DPYS: variants seen among roughly 807,000 people sequenced by gnomAD.
DPYS encodes the protein dihydropyrimidine amidohydrolase.
In DPYS, 39 loss-of-function variants were observed where a neutral mutation model predicts 50.3. The ratio of observed to expected loss-of-function variants is 0.78; its 90% CI spans 0.60 to 1.01. DPYS has a LOEUF of 1.01. Among genes scored for constraint, DPYS ranks in the 50% least tolerant of loss-of-function variants. The pLI, the probability that DPYS is intolerant of heterozygous loss-of-function variation, is 0.00. For missense variants in DPYS, 659 were observed against 680.9 expected (o/e 0.97, Z 0.36); for synonymous variants, 245 against 250.7 (o/e 0.98, Z 0.22).
chr8:104,458,791 A>G (rs1459951982), intron 1 of DPYS, among the ~76,000 whole-genome samples: 2 of 152,230 alleles, frequency 1.3e-5, no homozygotes, highest in African/African-American at 2.4e-5. Context: ...CCTTCTATGA[A>G]CATGTTAATA....
chr8:104,386,668 C>T (rs1432180100), intron 8 of DPYS, among the ~76,000 whole-genome samples: 1 of 150,528 alleles, frequency 6.6e-6, no homozygotes, highest in Non-Finnish European at 1.5e-5. Context: ...CACTCTGCTG[C>T]TCAGGCTAGA....
At chr8:104,430,802 C>T (rs1004553041) in intron 4 of DPYS, among the ~76,000 whole-genome samples, 1 of 152,122 alleles carries the variant, frequency 6.6e-6, no homozygotes, top group African/African-American at 2.4e-5. Context: ...AACCAAGTAT[C>T]AATAAAAGTT....
intron 8 of DPYS, among the ~76,000 whole-genome samples, chr8:104,391,366 C>T (rs570862824): frequency 6.6e-6 from 1 of 152,226 alleles, no homozygotes; most frequent in South Asian, 2.1e-4. Context: ...CAAACACTAC[C>T]ATCTACATGG....
intron 7 of DPYS, among the ~76,000 whole-genome samples, chr8:104,406,379 C>A (rs1811995444): frequency 6.6e-6 from 1 of 152,194 alleles, no homozygotes; most frequent in Non-Finnish European, 1.5e-5. Context: ...AGTGACGCAG[C>A]AGCCATTTTG....
intron 8 of DPYS, among the ~76,000 whole-genome samples, chr8:104,383,604 C>CTT (rs59669284): frequency 0.081 from 11,497 of 141,708 alleles, 942 homozygotes; most frequent in African/African-American, 0.2. Context: ...CCAGGCTGTA[C>CTT]TTTTTTTTTT....
intron 4 of DPYS, among the ~76,000 whole-genome samples, chr8:104,437,133 C>T (rs1019661120): frequency 2.0e-5 from 3 of 152,070 alleles, no homozygotes; most frequent in Admixed American, 6.5e-5. Flanking sequence ...GAAAAGAAAA[C>T]AGAGGACATG....
chr8:104,451,156 T>A (rs1431147544), intron 2 of DPYS, 90 bp downstream of exon 2: 1 of 1,547,458 alleles, frequency 6.5e-7, no homozygotes, highest in Non-Finnish European at 8.9e-7. Flanking sequence ...TCCTGTTGTC[T>A]AGGAAGCAAT....
intron 4 of DPYS, among the ~76,000 whole-genome samples, chr8:104,430,593 T>C (rs1812920396): frequency 6.6e-6 from 1 of 152,134 alleles, no homozygotes; most frequent in Non-Finnish European, 1.5e-5. Context: ...TCCTGATATA[T>C]AACTGAAATT....
chr8:104,395,130 G>A (rs1277627999), intron 7 of DPYS, among the ~76,000 whole-genome samples: 1 of 151,668 alleles, frequency 6.6e-6, no homozygotes, highest in African/African-American at 2.4e-5. Flanking sequence ...CAAGTAGCTG[G>A]CACTACAGGC....
chr8:104,399,304 A>AC (rs1180334646), intron 7 of DPYS, among the ~76,000 whole-genome samples: 1 of 44,946 alleles, frequency 2.2e-5, no homozygotes, highest in Non-Finnish European at 9.7e-5. Flanking sequence ...AAAAAAAAAA[A>AC]AAAAAACAAC....
chr8:104,427,976 C>T lies in DPYS; in HGVS notation c.1092+4G>A. The stretch of plus-strand genomic sequence containing the variant: ...AAAGCAAGGCTGGAACCTGTGAAAC[C>T]CACCACGCCTTTTTCCCATATTACG... On this transcript the variant is annotated splice_donor_region_variant and intron_variant, in intron 6 of 9. Transcript: ENST00000351513. 6.2e-7 allele frequency: 1 copy of T among 1,614,006 alleles called. No homozygotes were observed. The highest frequency in any genetic ancestry group is 8.5e-7 in the Non-Finnish European group (1 of 1,180,000).
intron 2 of DPYS, among the ~76,000 whole-genome samples, chr8:104,448,359 T>C (rs992747079): frequency 3.9e-5 from 6 of 152,132 alleles, no homozygotes; most frequent in Non-Finnish European, 8.8e-5. Flanking sequence ...TTTCACCATG[T>C]TGGCCAGGCT....
At chr8:104,426,719 C>G (rs1812735163) in intron 6 of DPYS, among the ~76,000 whole-genome samples, 1 of 152,228 alleles carries the variant, frequency 6.6e-6, no homozygotes, top group Non-Finnish European at 1.5e-5. Flanking sequence ...CTCTGCTAGT[C>G]TTCACAGCTC....
At chr8:104,424,212 C>T (rs1389089589) in intron 7 of DPYS, 35 bp downstream of exon 7, 2 of 1,613,878 alleles carry the variant, frequency 1.2e-6, no homozygotes, top group Non-Finnish European at 1.7e-6. Context: ...ATTTTCTCCA[C>T]AATGAAGCCA....
intron 1 of DPYS, among the ~76,000 whole-genome samples, chr8:104,463,095 T>A (rs537002040): frequency 3.3e-5 from 5 of 152,356 alleles, no homozygotes; most frequent in South Asian, 4.1e-4. Context: ...ATTTGTCAGG[T>A]ATTATAAATG....
At chr8:104,418,840 A>G (rs149429111) in intron 7 of DPYS, 5 of 173,498 alleles carry the variant, frequency 2.9e-5, no homozygotes, top group Non-Finnish European at 5.7e-5. Context: ...TCTTAGGCTG[A>G]GAATATTTGA....
At chr8:104,380,690 A>G (rs1342334443) in intron 9 of DPYS, 2 of 157,326 alleles carry the variant, frequency 1.3e-5, no homozygotes, top group African/African-American at 2.4e-5. Context: ...TCCCAAAACT[A>G]ACTGTGAAAT....
chr8:104,429,902 G>T (rs908098220), intron 4 of DPYS, among the ~76,000 whole-genome samples: 1 of 152,138 alleles, frequency 6.6e-6, no homozygotes, highest in Admixed American at 6.5e-5. Flanking sequence ...ATAAACTTCT[G>T]TAAGTATAAG....
chr8:104,382,171 C>G (rs746533455), intron 8 of DPYS, among the ~76,000 whole-genome samples: 3 of 152,076 alleles, frequency 2.0e-5, no homozygotes, highest in Non-Finnish European at 4.4e-5. Context: ...TCACACAGCC[C>G]CAGAGAGTAC....
Sources: allele counts gnomAD v4.1 joint callset (sites outside exome capture counted in the v4.1 genomes callset), GRCh38; gene constraint gnomAD v4.1.1; transcripts MANE v1.5; gene names NCBI Gene and HGNC (gene_info 2026-07-23, HGNC 2026-07-21).